UGGT2: variants seen among roughly 807,000 people sequenced by gnomAD.
UGGT2 encodes UDP-glucose glycoprotein glucosyltransferase 2, also known as UDP-glucose:glycoprotein glucosyltransferase 2.
A neutral mutation model predicts 192.1 loss-of-function variants in UGGT2; 180 were observed. The observed-to-expected ratio is 0.94, with a 90% CI of 0.83 to 1.06. The LOEUF is 1.06. UGGT2 is among the 50% of genes least tolerant of loss of function. The probability of loss-of-function intolerance (pLI) is 0.00; values close to 1 mark genes in which losing one functional copy is unlikely to be tolerated. For synonymous variants in UGGT2, 580 were observed against 591.0 expected, an observed-to-expected ratio of 0.98 and a Z score of 0.27; for missense variants, 1,849 against 1,795.7, an observed-to-expected ratio of 1.03 and a Z score of -0.54.
At chr13:95,964,611 A>G (rs2050507523) in intron 12 of UGGT2, among the ~76,000 whole-genome samples, 1 of 152,222 alleles carries the variant, frequency 6.6e-6, no homozygotes, top group South Asian at 2.1e-4. Flanking sequence ...CAACAATAAA[A>G]TAAACAATCT....
At chr13:95,957,362 G>A (rs1311583104) in intron 12 of UGGT2, among the ~76,000 whole-genome samples, 1 of 152,142 alleles carries the variant, frequency 6.6e-6, no homozygotes, top group African/African-American at 2.4e-5. Context: ...AATCTCGTGG[G>A]AACACAACCT....
chr13:95,867,570 G>C, intron 29 of UGGT2, 147 bp from the exon 30 acceptor site: 1 of 570,448 alleles, frequency 1.8e-6, no homozygotes, highest in East Asian at 3.2e-5. Context: ...AGTCAATTAA[G>C]ATATACTATA....
In UGGT2 at chr13:95,992,329, A is replaced by T. The variant is rs1481654348; in HGVS notation, c.831-2256T>A. Among the ~76,000 whole-genome samples, 3 of 152,238 alleles carry T rather than the reference A, an allele frequency of 2.0e-5. No homozygotes were observed. In the East Asian group the frequency reaches 5.8e-4, roughly 29 times the overall value. ...TCATTCTTCCAATCCATGAGCATGGAATGTTTTTCCATTTGTTTGTGTCAG... is the reference window on the plus strand; with the variant it reads ...TCATTCTTCCAATCCATGAGCATGGTATGTTTTTCCATTTGTTTGTGTCAG... On this transcript the variant is annotated intron_variant, in intron 7 of 38. Transcript: ENST00000376747.
chr13:95,976,655 T>C (rs986186335), intron 10 of UGGT2, among the ~76,000 whole-genome samples: 6 of 152,206 alleles, frequency 3.9e-5, no homozygotes, highest in Non-Finnish European at 7.3e-5. Flanking sequence ...TTCAATGCTA[T>C]TCCCATCAAG....
intron 10 of UGGT2, among the ~76,000 whole-genome samples, chr13:95,978,206 G>A (rs1006537017): frequency 2.0e-5 from 3 of 151,840 alleles, no homozygotes; most frequent in African/African-American, 7.3e-5. Context: ...TAAAAAAAGA[G>A]CAAACTTACA....
intron 22 of UGGT2, among the ~76,000 whole-genome samples, chr13:95,899,155 T>G (rs2048031821): frequency 6.6e-6 from 1 of 152,216 alleles, no homozygotes; most frequent in African/African-American, 2.4e-5. Flanking sequence ...GGAGCCATCC[T>G]GGAAGCAGAG....
chr13:95,946,437 T>C (rs1372211281), intron 15 of UGGT2, among the ~76,000 whole-genome samples: 1 of 152,258 alleles, frequency 6.6e-6, no homozygotes, highest in Admixed American at 6.5e-5. Flanking sequence ...GGCTCGATCT[T>C]GGCTCATTGC....
At chr13:95,882,616 A>G (rs1422464116) in intron 27 of UGGT2, among the ~76,000 whole-genome samples, 1 of 152,106 alleles carries the variant, frequency 6.6e-6, no homozygotes, top group Non-Finnish European at 1.5e-5. Context: ...TTGTTTATTC[A>G]CCTAAACTAT....
intron 20 of UGGT2, among the ~76,000 whole-genome samples, chr13:95,913,223 C>A (rs1022159870): frequency 1.3e-5 from 2 of 152,072 alleles, no homozygotes; most frequent in East Asian, 1.9e-4. Context: ...GCAACAAAAG[C>A]CAAAATTGAC....
chr13:96,025,276 C>T (rs1225495168), intron 2 of UGGT2, among the ~76,000 whole-genome samples: 1 of 152,064 alleles, frequency 6.6e-6, no homozygotes, highest in East Asian at 1.9e-4. Context: ...AAGACCCAGT[C>T]CCATGGTCCA....
Position 95,849,723 on chromosome 13 carries a change from T to C in UGGT2, c.4284+3820A>G, listed in dbSNP as rs186508378. ...TTGGTTCAGGGGTACATGTACAAGT[T>C]TGCTACATAGGTAAATTGAATGTCA... On this transcript the variant is annotated intron_variant, in intron 36 of 38. Transcript: ENST00000376747. Among the ~76,000 whole-genome samples, 10 of 151,914 alleles carry C rather than the reference T, an allele frequency of 6.6e-5. No individual in the cohort carries two copies. In the East Asian group the frequency reaches 1.7e-3, roughly 26 times the overall value.
chr13:95,853,548 C>G lies in UGGT2; in HGVS notation c.4279G>C (p.Asp1427His), dbSNP rs369727994. ...SQDPNSLSNL[D>H]QDLPNNMIYQ... ...TCTGTTAACATTTTACTTACCTGATCTAGGTTTGAAAGACTGTTTGGATCT... is the reference window on the plus strand; with the variant it reads ...TCTGTTAACATTTTACTTACCTGATGTAGGTTTGAAAGACTGTTTGGATCT... The change falls in exon 36 of 39, where the codon GAT becomes CAT. Residue 1427 changes from aspartate (D) to histidine (H), a missense_variant. Asp to His is a moderately conservative substitution (Grantham distance 81, BLOSUM62 -1). Transcript: ENST00000376747. 6.8e-6 allele frequency: 11 copies of G among 1,612,854 alleles called. No individual in the cohort carries two copies. Among genetic ancestry groups the G allele is most frequent in the African/African-American group, 1.3e-5 (1 of 74,780 alleles).
At chr13:95,835,639 G>T (rs1366073361) in intron 37 of UGGT2, among the ~76,000 whole-genome samples, 3 of 152,042 alleles carry the variant, frequency 2.0e-5, no homozygotes, top group African/African-American at 7.2e-5. Context: ...GTTCAAAATT[G>T]TGTGAATTCT....
intron 1 of UGGT2, among the ~76,000 whole-genome samples, chr13:96,033,782 G>A (rs997747333): frequency 3.9e-5 from 6 of 152,170 alleles, no homozygotes; most frequent in South Asian, 2.1e-4. Context: ...CCAGACTTTG[G>A]GCACCAATGG....
chr13:95,911,073 G>C (rs138266638), intron 20 of UGGT2, among the ~76,000 whole-genome samples: 1 of 152,158 alleles, frequency 6.6e-6, no homozygotes, highest in East Asian at 1.9e-4. Flanking sequence ...GAATCTTTGG[G>C]ACACATTTAA....
intron 4 of UGGT2, among the ~76,000 whole-genome samples, chr13:96,020,776 C>T (rs1028449593): frequency 6.6e-6 from 1 of 152,162 alleles, no homozygotes; most frequent in African/African-American, 2.4e-5. Context: ...TGTCAGTCAA[C>T]ATCCCACCCA....
At position 95,830,116 on chromosome 13, in the gene UGGT2, T is replaced by C. The variant is rs188806518; in HGVS notation, c.4528+2811A>G. On this transcript the variant is annotated intron_variant, in intron 38 of 38. Coordinates refer to ENST00000376747, the MANE Select transcript of UGGT2 (RefSeq NM_020121.4). ...AACTGGATCCCTTCCTTACATCTTA[T>C]AGAAAAATTAATTCAAGATGGATTA... 2.3e-3 allele frequency among the ~76,000 whole-genome samples: 355 copies of C among 152,294 alleles called. 5 individuals carry two copies. The highest frequency in any genetic ancestry group is 7.9e-3 in the African/African-American group (330 of 41,574).
chr13:95,995,389 A>C (rs1393417732), intron 7 of UGGT2: 1 of 152,164 alleles, frequency 6.6e-6, no homozygotes. Context: ...CATTTCATTT[A>C]TTAAACTGAA....
intron 29 of UGGT2, among the ~76,000 whole-genome samples, chr13:95,875,147 A>G (rs1247460564): frequency 6.6e-6 from 1 of 152,232 alleles, no homozygotes; most frequent in Non-Finnish European, 1.5e-5. Context: ...TCATTTTAAT[A>G]GATATGTGGC....
Sources: gnomAD v4.1 joint callset for allele counts (sites outside exome capture counted in the v4.1 genomes callset) on GRCh38, gnomAD v4.1.1 for gene constraint, MANE v1.5 for transcripts, NCBI Gene and HGNC (gene_info 2026-07-23, HGNC 2026-07-21) for gene names.